Variants in ATXN7L1 observed in about 807,000 individuals in gnomAD.
The protein encoded by ATXN7L1 is ataxin 7 like 1, also known as ataxin-7-like protein 1.
Under a neutral mutation model 70.8 loss-of-function variants are expected in ATXN7L1, and 15 were observed. The ratio of observed to expected loss-of-function variants is 0.21; its 90% CI spans 0.14 to 0.33. The LOEUF (loss-of-function observed/expected upper bound fraction) is 0.33. Ranked by LOEUF, ATXN7L1 falls within the 10% of genes least tolerant of loss-of-function variation. The probability of loss-of-function intolerance (pLI) is 1.00; values close to 1 mark genes in which losing one functional copy is unlikely to be tolerated. For missense variants in ATXN7L1, 975 were observed against 1,097.1 expected (o/e 0.89, Z 1.57); for synonymous variants, 440 against 445.1 (o/e 0.99, Z 0.14).
At chr7:105,715,179 T>G (rs926106667) in intron 3 of ATXN7L1, among the ~76,000 whole-genome samples, 2 of 152,094 alleles carry the variant, frequency 1.3e-5, no homozygotes, top group Non-Finnish European at 2.9e-5. Context: ...GCTTGGTATA[T>G]CAGAAAGAGA....
rs1257625577 is a variant in ATXN7L1 at position 105,819,597 on chromosome 7, G to A, written c.251-30889C>T. On this transcript the variant is annotated intron_variant, in intron 2 of 11. Transcript: ENST00000419735. The stretch of plus-strand genomic sequence containing the variant: ...ACTGCTGGGCCGGAAGGTGGAGGTC[G>A]TACGCTGTGAGGGCATCATCATTTC... 1.2e-4 allele frequency: 112 copies of A among 931,120 alleles called. 1 individual carries two copies. The South Asian group carries it at 1.4e-3, about 11-fold the overall frequency. The allele number at this position is 931,120 out of a possible 1,614,324, so 57.7% of individuals were successfully genotyped here.
At chr7:105,668,827 CT>C (rs1472832533) in intron 3 of ATXN7L1, among the ~76,000 whole-genome samples, 1 of 152,100 alleles carries the variant, frequency 6.6e-6, no homozygotes. Flanking sequence ...TCGCTTGAGC[CT>C]GGGAGGTAGA....
At chr7:105,819,125 C>T (rs1401232545) in intron 2 of ATXN7L1, among the ~76,000 whole-genome samples, 7 of 146,606 alleles carry the variant, frequency 4.8e-5, no homozygotes, top group African/African-American at 1.8e-4. Flanking sequence ...TGAGTGAGAA[C>T]CTGCGGTGTT....
At chr7:105,697,480 T>C (rs561284135) in intron 3 of ATXN7L1, among the ~76,000 whole-genome samples, 1 of 152,370 alleles carries the variant, frequency 6.6e-6, no homozygotes, top group South Asian at 2.1e-4. Context: ...TAAGGTTATC[T>C]CTCTTACTCT....
intron 3 of ATXN7L1, among the ~76,000 whole-genome samples, chr7:105,763,914 C>T (rs984695475): frequency 9.9e-5 from 15 of 151,856 alleles, no homozygotes; most frequent in South Asian, 4.2e-4. Context: ...AATGCAATGG[C>T]GTGTTCTCGG....
chr7:105,796,827 G>T (rs1175458017), intron 2 of ATXN7L1, among the ~76,000 whole-genome samples: 1 of 152,162 alleles, frequency 6.6e-6, no homozygotes. Context: ...CTGACAGAAT[G>T]ATTTTATTTG....
intron 2 of ATXN7L1, among the ~76,000 whole-genome samples, chr7:105,804,462 A>G (rs1780557278): frequency 1.3e-5 from 2 of 152,182 alleles, no homozygotes; most frequent in South Asian, 4.1e-4. Flanking sequence ...GAAACATCTT[A>G]GGGAAAATTA....
chr7:105,741,521 C>A (rs28534422), intron 3 of ATXN7L1, among the ~76,000 whole-genome samples: 1 of 151,982 alleles, frequency 6.6e-6, no homozygotes, highest in Admixed American at 6.6e-5. Context: ...AAAATGCAGT[C>A]GAAGAATGAT....
At chr7:105,666,096 CT>C (rs2116073655) in intron 3 of ATXN7L1, among the ~76,000 whole-genome samples, 1 of 152,300 alleles carries the variant, frequency 6.6e-6, no homozygotes, top group Non-Finnish European at 1.5e-5. Context: ...AAGTAAAGTT[CT>C]AGTGTGCACC....
At chr7:105,762,532 A>C (rs956035193) in intron 3 of ATXN7L1, among the ~76,000 whole-genome samples, 1 of 152,136 alleles carries the variant, frequency 6.6e-6, no homozygotes, top group Non-Finnish European at 1.5e-5. Context: ...CTCCAAGCCC[A>C]TGGAGAGTTT....
intron 3 of ATXN7L1, among the ~76,000 whole-genome samples, chr7:105,735,767 T>C (rs1465105767): frequency 6.6e-6 from 1 of 152,142 alleles, no homozygotes; most frequent in East Asian, 1.9e-4. Context: ...TGTTGAATGT[T>C]GCAATGACTC....
chr7:105,776,135 T>C (rs1802693036), intron 3 of ATXN7L1, among the ~76,000 whole-genome samples: 1 of 152,188 alleles, frequency 6.6e-6, no homozygotes, highest in Non-Finnish European at 1.5e-5. Context: ...GTTACCCGAA[T>C]TCTCCTCGGT....
At chr7:105,714,657 CTGTTTTTGTTTT>C (rs954394219) in intron 3 of ATXN7L1, among the ~76,000 whole-genome samples, 40 of 149,360 alleles carry the variant, frequency 2.7e-4, no homozygotes, top group South Asian at 2.2e-4. Flanking sequence ...ATAGCTTCTT[CTGTTTTTGTTTT>C]TGTTTTTGTT....
chr7:105,845,730 G>T (rs1813931690), intron 2 of ATXN7L1, among the ~76,000 whole-genome samples: 2 of 152,108 alleles, frequency 1.3e-5, no homozygotes, highest in South Asian at 4.1e-4. Context: ...AGAACTGAGA[G>T]TCTAGAAATA....
rs490584 is a variant in ATXN7L1, at chr7:105,709,348, T to A, written c.356-44060A>T. Reference sequence around the variant, plus strand: ...AAACTCTGTCTCACAAAAAAAAGAATTTTTTTTCTATATTTCCAGTGCTTT... The same window carrying A: ...AAACTCTGTCTCACAAAAAAAAGAAATTTTTTTCTATATTTCCAGTGCTTT... On this transcript the variant is annotated intron_variant, in intron 3 of 11. Coordinates refer to ENST00000419735, the MANE Select transcript of ATXN7L1 (RefSeq NM_020725.2). Among the ~76,000 whole-genome samples, 1,155 of 131,710 alleles carry A rather than the reference T, an allele frequency of 8.8e-3. 20 individuals are homozygous for A. The highest frequency in any genetic ancestry group is 0.03 in the African/African-American group (1,060 of 35,618). 86.4% of individuals were successfully genotyped at this position (131,710 alleles called of 152,430 possible). A position where few individuals can be genotyped will look rare whatever the true frequency, so the allele number is the denominator to read the frequency against.
intron 2 of ATXN7L1, among the ~76,000 whole-genome samples, chr7:105,792,807 G>A (rs192918829): frequency 1.4e-4 from 21 of 152,242 alleles, no homozygotes; most frequent in Non-Finnish European, 2.2e-4. Flanking sequence ...ATATTTACTG[G>A]TACACCACTG....
At chr7:105,676,737 G>A (rs1179910512) in intron 3 of ATXN7L1, among the ~76,000 whole-genome samples, 1 of 152,154 alleles carries the variant, frequency 6.6e-6, no homozygotes, top group African/African-American at 2.4e-5. Context: ...CTACTCGGGA[G>A]GCCGAGGCAG....
chr7:105,751,012 A>G (rs1456042111), intron 3 of ATXN7L1, among the ~76,000 whole-genome samples: 2 of 152,166 alleles, frequency 1.3e-5, no homozygotes, highest in African/African-American at 2.4e-5. Flanking sequence ...TGCTGTAATA[A>G]TGGCATAGGA....
chr7:105,777,975 G>A lies in ATXN7L1; in HGVS notation c.355+10629C>T, dbSNP rs1162371894. ...TTTCACATGGCTTGATCATGTATTT[G>A]TTTATGTTATTTAACCTACCAGAAC... On this transcript the variant is annotated intron_variant, in intron 3 of 11. Transcript: ENST00000419735. Among the ~76,000 whole-genome samples the A allele has an allele frequency of 2.0e-5, 3 of 152,128 alleles. No homozygotes were observed. The South Asian group carries it at 6.2e-4, about 32-fold the overall frequency.
Sources: gnomAD v4.1 joint callset for allele counts (sites outside exome capture counted in the v4.1 genomes callset) on GRCh38, gnomAD v4.1.1 for gene constraint, MANE v1.5 for transcripts, NCBI Gene and HGNC (gene_info 2026-07-23, HGNC 2026-07-21) for gene names.